Variants in AKR1B15 observed in about 807,000 individuals in gnomAD.
AKR1B15 encodes the protein estradiol 17-beta-dehydrogenase AKR1B15.
In AKR1B15, 49 loss-of-function variants were observed where a neutral mutation model predicts 38.5. That is an observed-to-expected ratio of 1.27 (90% CI 1.01 to 1.62). AKR1B15 has a LOEUF of 1.62. Among genes scored for constraint, AKR1B15 ranks in the 40% most tolerant of loss-of-function variants. The pLI, the probability that AKR1B15 is intolerant of heterozygous loss-of-function variation, is 0.00. For synonymous variants in AKR1B15, 137 were observed against 135.5 expected, an observed-to-expected ratio of 1.01 and a Z score of -0.08; for missense variants, 411 against 381.6, an observed-to-expected ratio of 1.08 and a Z score of -0.64.
At chr7:134,574,063 AT>A (rs11366036) in intron 6 of AKR1B15, among the ~76,000 whole-genome samples, 78,734 of 150,630 alleles carry the variant, frequency 0.52, 20,548 homozygotes, top group African/African-American at 0.58. Flanking sequence ...ATTAAAACAA[AT>A]TTTTTTTTTT....
rs770102345 is a variant in AKR1B15, at chr7:134,577,064, C to G, written c.909+18C>G. On this transcript the variant is annotated intron_variant, in intron 10 of 11. Transcript: ENST00000457545. ...ACATTCAGGTAAGTTTCCGGCTGGTCGGGCCTGGTATTCCTCAGTGGAGTG... is the reference window on the plus strand; with the variant it reads ...ACATTCAGGTAAGTTTCCGGCTGGTGGGGCCTGGTATTCCTCAGTGGAGTG... 4.1e-5 allele frequency: 65 copies of G among 1,604,644 alleles called. No homozygotes were observed. The highest frequency in any genetic ancestry group is 5.5e-5 in the Non-Finnish European group (64 of 1,171,790).
intron 3 of AKR1B15, among the ~76,000 whole-genome samples, chr7:134,565,771 A>G (rs1170398477): frequency 6.6e-5 from 10 of 152,128 alleles, no homozygotes; most frequent in Admixed American, 5.2e-4. Flanking sequence ...TCTAGCAAGT[A>G]TCAAATTTCA....
intron 3 of AKR1B15, chr7:134,565,112 A>G (rs1794503260): frequency 6.5e-6 from 2 of 308,568 alleles, no homozygotes; most frequent in Non-Finnish European, 1.2e-5. Context: ...CAGCAGCAGC[A>G]GGGAACCGCT....
intron 1 of AKR1B15, among the ~76,000 whole-genome samples, chr7:134,552,872 T>A (rs1467717300): frequency 6.6e-6 from 1 of 152,126 alleles, no homozygotes; most frequent in East Asian, 1.9e-4. Flanking sequence ...CCACCCTTTT[T>A]AGGGAAGCCC....
intron 3 of AKR1B15, 24 bp from the exon 4 acceptor site, chr7:134,568,134 A>T (rs759616823): frequency 1.1e-4 from 176 of 1,613,486 alleles, no homozygotes; most frequent in Admixed American, 7.7e-4. Context: ...TACATGTGTG[A>T]TGGGCTTTTC....
At position 134,569,538 on chromosome 7, in the gene AKR1B15, G is replaced by A; in HGVS notation, c.435+9G>A. ...GGCCACAGGGATTCAAGGTTTGAGT[G>A]ACTCCCTTTCTCAGCCTCTAGTTTC... On this transcript the variant is annotated intron_variant, in intron 5 of 11. Coordinates refer to ENST00000457545, the MANE Select transcript of AKR1B15 (RefSeq NM_001080538.3). The A allele has an allele frequency of 6.2e-7, 1 of 1,613,822 alleles. No individual in the cohort carries two copies. Among genetic ancestry groups the A allele is most frequent in the Non-Finnish European group, 8.5e-7 (1 of 1,179,774 alleles).
intron 1 of AKR1B15, among the ~76,000 whole-genome samples, 183 bp downstream of exon 1, chr7:134,549,432 G>C (rs1281120468): frequency 6.6e-6 from 1 of 151,900 alleles, no homozygotes; most frequent in African/African-American, 2.4e-5. Context: ...GTCTCCGGGA[G>C]ATCTCTGTTT....
At chr7:134,575,359 G>T in intron 6 of AKR1B15, 61 bp from the exon 7 acceptor site, 1 of 1,573,524 alleles carries the variant, frequency 6.4e-7, no homozygotes, top group South Asian at 1.2e-5. Context: ...GAAGACTAAG[G>T]CAAGCCAGGG....
At chr7:134,553,094 A>T (rs1361500248) in intron 1 of AKR1B15, among the ~76,000 whole-genome samples, 3 of 152,170 alleles carry the variant, frequency 2.0e-5, no homozygotes, top group Non-Finnish European at 4.4e-5. Flanking sequence ...GGTATGAGAC[A>T]AATGAAGGAA....
chr7:134,562,832 C>CTCTTTCTTTCTTTCTTTCTTTCTTTCTT (rs201784260), intron 2 of AKR1B15, among the ~76,000 whole-genome samples: 6 of 122,600 alleles, frequency 4.9e-5, no homozygotes, highest in East Asian at 2.6e-4. Context: ...TCCTTCCTTT[C>CTCTTTCTTTCTTTCTTTCTTTCTTTCTT]TCTTTCTTTC....
At chr7:134,577,662 A>G (rs374175064) in intron 10 of AKR1B15, 42 bp from the exon 11 acceptor site, 9 of 1,599,478 alleles carry the variant, frequency 5.6e-6, no homozygotes, top group Non-Finnish European at 7.7e-6. Context: ...CCACAGCAGT[A>G]ACAGCCTTAC....
chr7:134,568,365 G>C (rs1208254047), intron 4 of AKR1B15, 40 bp downstream of exon 4: 1 of 1,608,494 alleles, frequency 6.2e-7, no homozygotes, highest in Admixed American at 1.7e-5. Context: ...TCACTTCAAG[G>C]CAGGCAGAAG....
chr7:134,566,745 G>C (rs1227360354), intron 3 of AKR1B15, among the ~76,000 whole-genome samples: 1 of 152,112 alleles, frequency 6.6e-6, no homozygotes, highest in Non-Finnish European at 1.5e-5. Context: ...CCTGTGCCGA[G>C]CTGGAGGGTA....
chr7:134,568,410 G>A, intron 4 of AKR1B15, 85 bp downstream of exon 4: 1 of 1,565,442 alleles, frequency 6.4e-7, no homozygotes, highest in Non-Finnish European at 8.7e-7. Flanking sequence ...AACTCTGTCG[G>A]CCTTTTCTAC....
rs1562947815 is a variant in AKR1B15 at position 134,564,707 on chromosome 7, C to CT, written c.89dup (p.Ser32GlufsTer34). ...CCAACCCGTTGGCCCTTTGACTGGC[C>CT]TAAAGAGTTCCCTTCTGAAGGACAC... On this transcript the variant is annotated frameshift_variant, in exon 3 of 12. Transcript: ENST00000457545. LOFTEE classifies it high-confidence loss of function. The CT allele has an allele frequency of 2.9e-6, 2 of 697,944 alleles. No homozygotes were observed. Among genetic ancestry groups the CT allele is most frequent in the Non-Finnish European group, 5.2e-6 (2 of 383,452 alleles). 43.2% of individuals were successfully genotyped at this position (697,944 alleles called of 1,614,324 possible). A position where few individuals can be genotyped will look rare whatever the true frequency, so the allele number is the denominator to read the frequency against.
chr7:134,579,250 G>A (rs1445395031), intron 11 of AKR1B15, among the ~76,000 whole-genome samples: 3 of 152,060 alleles, frequency 2.0e-5, no homozygotes, highest in East Asian at 1.9e-4. Context: ...CTGTCACCTC[G>A]CCTGACACCA....
rs746099170 is a variant in AKR1B15, at chr7:134,579,507, A to G, written c.993A>G (p.Glu331=). The change falls in exon 12 of 12, where the codon GAA becomes GAG. Residue 331 remains glutamate (E), a splice_region_variant and synonymous_variant. Coordinates refer to ENST00000457545, the MANE Select transcript of AKR1B15 (RefSeq NM_001080538.3). ...NRNWRAFDFK[E]FSHLEDFPFD... ...TTTTTTTTTTTCTCTCTCTCTGTAG[A>G]TTCTCTCATTTGGAGGACTTTCCCT... 2 of 1,590,736 alleles carry G rather than the reference A, an allele frequency of 1.3e-6. No homozygotes were observed. The highest frequency in any genetic ancestry group is 1.2e-5 in the South Asian group (1 of 86,814).
chr7:134,575,534 A>C lies in AKR1B15; in HGVS notation c.628A>C (p.Thr210Pro), dbSNP rs1194732471. ...ACCTGGACTGAAATATAAACCAGTG[A>C]CTAACCAGGTAAATTCTATTCAGTT... ...NKPGLKYKPV[T>P]NQVECHPYLT... Residue 210 changes from threonine to proline, a missense_variant, in exon 7 of 12, where the codon ACT becomes CCT. Coordinates refer to ENST00000457545, the MANE Select transcript of AKR1B15 (RefSeq NM_001080538.3). 1 of 1,613,746 alleles carries C rather than the reference A, an allele frequency of 6.2e-7. No individual in the cohort carries two copies. Among genetic ancestry groups the C allele is most frequent in the Non-Finnish European group, 8.5e-7 (1 of 1,179,808 alleles).
chr7:134,566,991 T>A (rs1426627169), intron 3 of AKR1B15, among the ~76,000 whole-genome samples: 1 of 152,210 alleles, frequency 6.6e-6, no homozygotes, highest in Admixed American at 6.5e-5. Context: ...GAATTGAATG[T>A]AAGAATTATG....
Sources: allele counts gnomAD v4.1 joint callset (sites outside exome capture counted in the v4.1 genomes callset), GRCh38; gene constraint gnomAD v4.1.1; transcripts MANE v1.5; gene names NCBI Gene and HGNC (gene_info 2026-07-23, HGNC 2026-07-21).